The following FGF14 variants were observed in gnomAD, a reference collection of about 807,000 sequenced individuals.
The protein encoded by FGF14 is fibroblast growth factor homologous factor 4.
FGF14 carries 5 observed loss-of-function variants against 25.5 expected under a neutral mutation model. The observed-to-expected ratio is 0.20, with a 90% CI of 0.10 to 0.41. FGF14 has a LOEUF of 0.41. Ranked by LOEUF, FGF14 falls within the 10% of genes least tolerant of loss-of-function variation. The pLI is 1.00. For synonymous variants in FGF14, 138 were observed against 118.3 expected (o/e 1.17, Z -1.08); for missense variants, 222 against 320.1 (o/e 0.69, Z 2.34).
rs142123330 is a variant in FGF14, at chr13:101,718,833, G to A, written c.*3998C>T. The A allele has an allele frequency of 6.6e-6, 1 of 151,398 alleles. No homozygotes were observed. Among genetic ancestry groups the A allele is most frequent in the Non-Finnish European group, 1.5e-5 (1 of 67,878 alleles). 9.4% of individuals were successfully genotyped at this position (151,398 alleles called of 1,614,324 possible). A position where few individuals can be genotyped will look rare whatever the true frequency, so the allele number is the denominator to read the frequency against. On this transcript the variant is annotated 3_prime_UTR_variant, in exon 5 of 5. Transcript: ENST00000376143. ...TCAGCCTTAGTTTGCAGACTCAACT[G>A]TCAACACTTTGAAACCCTACTCCAT...
chr13:101,830,694 G>A (rs1158989655), intron 3 of FGF14, among the ~76,000 whole-genome samples: 2 of 151,876 alleles, frequency 1.3e-5, no homozygotes, highest in Non-Finnish European at 2.9e-5. Flanking sequence ...TGTTAGCATT[G>A]TAACATAAGC....
intron 1 of FGF14, among the ~76,000 whole-genome samples, chr13:102,215,926 G>C (rs906696266): frequency 2.6e-5 from 4 of 152,170 alleles, no homozygotes; most frequent in Admixed American, 6.6e-5. Flanking sequence ...GGCCAAAGCA[G>C]ATGGAGTGAG....
chr13:101,919,810 A>G (rs1373534895), upstream of FGF14, among the ~76,000 whole-genome samples: 1 of 152,174 alleles, frequency 6.6e-6, no homozygotes, highest in East Asian at 1.9e-4. Flanking sequence ...AACACCTTGG[A>G]ACACAAAGCC....
At chr13:101,846,126 A>C (rs1289330582) in intron 3 of FGF14, among the ~76,000 whole-genome samples, 2 of 152,000 alleles carry the variant, frequency 1.3e-5, no homozygotes, top group Non-Finnish European at 2.9e-5. Context: ...AAAACTAGTA[A>C]TAATTAGTGG....
intron 1 of FGF14, among the ~76,000 whole-genome samples, chr13:102,023,111 C>A (rs11616439): frequency 0.12 from 18,122 of 151,486 alleles, 1,184 homozygotes; most frequent in East Asian, 0.16. Context: ...CGTAACATAT[C>A]ACCATTGCTA....
At chr13:101,888,454 G>A (rs1005203038) in intron 1 of FGF14, among the ~76,000 whole-genome samples, 1 of 152,170 alleles carries the variant, frequency 6.6e-6, no homozygotes, top group Admixed American at 6.5e-5. Flanking sequence ...GAATGTGTGT[G>A]TGTGTGTAAA....
At chr13:101,744,440 T>G (rs539384622) in intron 3 of FGF14, among the ~76,000 whole-genome samples, 14 of 152,246 alleles carry the variant, frequency 9.2e-5, no homozygotes, top group African/African-American at 3.1e-4. Flanking sequence ...TTTTGTGAGT[T>G]ACATTTTTTT....
chr13:102,314,871 G>T (rs2055941059), intron 1 of FGF14, among the ~76,000 whole-genome samples: 1 of 151,332 alleles, frequency 6.6e-6, no homozygotes, highest in African/African-American at 2.4e-5. Flanking sequence ...ATGTTTTATT[G>T]ATCTCACTTC....
At chr13:102,140,445 AC>A (rs1442435188) in intron 1 of FGF14, among the ~76,000 whole-genome samples, 5 of 152,098 alleles carry the variant, frequency 3.3e-5, no homozygotes, top group African/African-American at 4.8e-5. Context: ...TTTCTCCCCA[AC>A]TTTTACTTCA....
chr13:101,879,255 TA>T (rs2138780962), intron 1 of FGF14, among the ~76,000 whole-genome samples: 1 of 152,290 alleles, frequency 6.6e-6, no homozygotes, highest in South Asian at 2.1e-4. Flanking sequence ...ATAATTTTAC[TA>T]AAAACGTTTT....
At chr13:101,740,691 T>G (rs1243711563) in intron 3 of FGF14, among the ~76,000 whole-genome samples, 1 of 152,190 alleles carries the variant, frequency 6.6e-6, no homozygotes, top group Non-Finnish European at 1.5e-5. Flanking sequence ...GAGTATAACA[T>G]AAGTTTCCAG....
intron 1 of FGF14, among the ~76,000 whole-genome samples, chr13:102,289,772 T>C (rs1013339535): frequency 2.0e-5 from 3 of 152,192 alleles, no homozygotes; most frequent in African/African-American, 7.2e-5. Context: ...CTCTATACAT[T>C]GTACATGCTC....
At chr13:101,945,041 C>T (rs761560785) in intron 1 of FGF14, among the ~76,000 whole-genome samples, 9 of 152,122 alleles carry the variant, frequency 5.9e-5, no homozygotes, top group African/African-American at 1.4e-4. Flanking sequence ...ACAGGCCAGG[C>T]GCGGTGGCTC....
chr13:102,398,431 C>T (rs2058630329), intron 1 of FGF14, among the ~76,000 whole-genome samples: 1 of 152,134 alleles, frequency 6.6e-6, no homozygotes, highest in African/African-American at 2.4e-5. Flanking sequence ...TAAATTATTT[C>T]ATAACTTCCA....
intron 1 of FGF14, among the ~76,000 whole-genome samples, chr13:102,113,398 C>T (rs1430101163): frequency 6.6e-6 from 1 of 152,206 alleles, no homozygotes; most frequent in African/African-American, 2.4e-5. Context: ...TCAAACCATG[C>T]AGCAATCCCA....
In FGF14 at chr13:101,715,092, A is replaced by G. The variant is rs1469854; in HGVS notation, c.*7739T>C. 0.15 allele frequency: 25,401 copies of G among 168,270 alleles called. 2,398 individuals carry two copies. The highest frequency in any genetic ancestry group is 0.43 in the East Asian group (2,592 of 6,032). 10.4% of individuals were successfully genotyped at this position (168,270 alleles called of 1,614,324 possible). On this transcript the variant is annotated 3_prime_UTR_variant, in exon 5 of 5. Transcript: ENST00000376143. The stretch of plus-strand genomic sequence containing the variant: ...AAGTTACGAGGAAACAGAGACATGT[A>G]TACTTCTCCTCAGCTCTAGCTGAAG...
intron 1 of FGF14, among the ~76,000 whole-genome samples, chr13:101,927,925 C>A (rs775926785): frequency 1.1e-4 from 16 of 152,198 alleles, no homozygotes; most frequent in Non-Finnish European, 2.2e-4. Flanking sequence ...CTGGACTGTT[C>A]CTGATGTCTT....
intron 3 of FGF14, among the ~76,000 whole-genome samples, chr13:101,771,620 A>G (rs1019565768): frequency 6.6e-6 from 1 of 152,062 alleles, no homozygotes; most frequent in African/African-American, 2.4e-5. Flanking sequence ...TTGTTGTAAT[A>G]TTGAATATTA....
intron 1 of FGF14, among the ~76,000 whole-genome samples, chr13:101,989,226 T>C (rs1350058599): frequency 6.6e-6 from 1 of 152,108 alleles, no homozygotes; most frequent in Non-Finnish European, 1.5e-5. Flanking sequence ...GGATATATTG[T>C]TATTTATAAA....
Sources: gnomAD v4.1 joint callset for allele counts (sites outside exome capture counted in the v4.1 genomes callset) on GRCh38, gnomAD v4.1.1 for gene constraint, MANE v1.5 for transcripts, NCBI Gene and HGNC (gene_info 2026-07-23, HGNC 2026-07-21) for gene names.